SGCZ: variants seen among roughly 807,000 people sequenced by gnomAD.
SGCZ encodes zeta-sarcoglycan.
Under a neutral mutation model 41.3 loss-of-function variants are expected in SGCZ, and 40 were observed. The observed-to-expected ratio is 0.97, with a 90% confidence interval of 0.75 to 1.26. SGCZ has a LOEUF of 1.26. SGCZ is among the 50% of genes most tolerant of loss of function. The probability of loss-of-function intolerance (pLI) is 0.00; values close to 1 mark genes in which losing one functional copy is unlikely to be tolerated. For synonymous variants in SGCZ, 206 were observed against 137.5 expected, an observed-to-expected ratio of 1.50 and a Z score of -3.49; for missense variants, 552 against 369.8, an observed-to-expected ratio of 1.49 and a Z score of -4.04.
At chr8:15,092,396 TTAC>T (rs1255631098) in intron 1 of SGCZ, among the ~76,000 whole-genome samples, 2 of 152,220 alleles carry the variant, frequency 1.3e-5, no homozygotes, top group Non-Finnish European at 2.9e-5. Context: ...TGTGTATTTA[TTAC>T]TACTGCTATT....
Position 14,239,899 on chromosome 8 carries a change from CTCAAAAAAAA to C in SGCZ, c.337-2230_337-2221del, listed in dbSNP as rs1440180491. On this transcript the variant is annotated intron_variant, in intron 3 of 7. Transcript: ENST00000382080. ...CCTGGGCGACAGAGCGAGACTCCGT[CTCAAAAAAAA>C]AAAAAAAAAAAAAAAAAAAAAAAAA... 2.9e-4 allele frequency among the ~76,000 whole-genome samples: 24 copies of C among 83,450 alleles called. 3 individuals are homozygous for C. The highest frequency in any genetic ancestry group is 7.0e-4 in the East Asian group (2 of 2,844). 54.7% of individuals were successfully genotyped at this position (83,450 alleles called of 152,430 possible).
chr8:14,639,089 C>T (rs1422865983), intron 1 of SGCZ, among the ~76,000 whole-genome samples: 1 of 147,240 alleles, frequency 6.8e-6, no homozygotes, highest in African/African-American at 2.5e-5. Context: ...CTCTGTCACC[C>T]AGGCTGGAGT....
intron 1 of SGCZ, among the ~76,000 whole-genome samples, chr8:14,586,871 G>A (rs918696274): frequency 1.3e-5 from 2 of 151,764 alleles, no homozygotes; most frequent in Non-Finnish European, 2.9e-5. Context: ...TAATTAAAAC[G>A]AGGAAATTTT....
intron 2 of SGCZ, among the ~76,000 whole-genome samples, chr8:14,513,897 T>G (rs907866262): frequency 6.6e-6 from 1 of 152,090 alleles, no homozygotes; most frequent in African/African-American, 2.4e-5. Context: ...CAATGTGAAC[T>G]AAACAACATT....
At chr8:14,610,258 C>G (rs1407582916) in intron 1 of SGCZ, among the ~76,000 whole-genome samples, 1 of 152,136 alleles carries the variant, frequency 6.6e-6, no homozygotes, top group African/African-American at 2.4e-5. Flanking sequence ...GTAAGAAGGG[C>G]ATTTGAGTCT....
At chr8:14,852,458 T>C (rs899221464) in intron 1 of SGCZ, among the ~76,000 whole-genome samples, 2 of 152,210 alleles carry the variant, frequency 1.3e-5, no homozygotes, top group African/African-American at 2.4e-5. Flanking sequence ...GCTGTACTTA[T>C]TATATGTGAT....
intron 1 of SGCZ, among the ~76,000 whole-genome samples, chr8:15,209,352 A>T (rs1238938968): frequency 6.6e-6 from 1 of 151,860 alleles, no homozygotes; most frequent in African/African-American, 2.4e-5. Context: ...GAGTACTAAA[A>T]ATTAAGGCTT....
intron 2 of SGCZ, among the ~76,000 whole-genome samples, chr8:14,455,364 T>C (rs1207354240): frequency 6.6e-6 from 1 of 152,016 alleles, no homozygotes; most frequent in Non-Finnish European, 1.5e-5. Flanking sequence ...TAAACTGTCC[T>C]AGTTGGTGAG....
Position 14,241,432 on chromosome 8 carries a change from C to A in SGCZ, c.337-3753G>T, listed in dbSNP as rs192675241. ...TAATATTTATATATAGCATGATAAG[C>A]TAGTATAAATATATAAACAATATAT... On this transcript the variant is annotated intron_variant, in intron 3 of 7. Transcript: ENST00000382080. Among the ~76,000 whole-genome samples, 4 of 147,514 alleles carry A rather than the reference C, an allele frequency of 2.7e-5. No homozygotes were observed. The East Asian group carries it at 5.9e-4, about 22-fold the overall frequency.
chr8:14,948,747 T>A (rs148319481), intron 1 of SGCZ, among the ~76,000 whole-genome samples: 159 of 152,298 alleles, frequency 1.0e-3, no homozygotes, highest in African/African-American at 3.7e-3. Context: ...CTATCCTTCT[T>A]GAACTCTTTC....
intron 1 of SGCZ, among the ~76,000 whole-genome samples, chr8:14,865,463 A>ATT (rs1803896092): frequency 6.6e-6 from 1 of 152,050 alleles, no homozygotes; most frequent in Admixed American, 6.6e-5. Flanking sequence ...AACCCCTGTG[A>ATT]ATGAATCAAT....
chr8:14,292,039 A>C (rs551898225), intron 3 of SGCZ, among the ~76,000 whole-genome samples: 1 of 152,058 alleles, frequency 6.6e-6, no homozygotes, highest in African/African-American at 2.4e-5. Flanking sequence ...TGGGCAATGT[A>C]ATAGGTGGAA....
At chr8:14,687,492 A>C (rs1016679512) in intron 1 of SGCZ, among the ~76,000 whole-genome samples, 1 of 151,462 alleles carries the variant, frequency 6.6e-6, no homozygotes, top group Non-Finnish European at 1.5e-5. Context: ...ATGATTTCCA[A>C]TTTCATCCAT....
chr8:14,494,960 T>G (rs1801948452), intron 2 of SGCZ, among the ~76,000 whole-genome samples: 1 of 152,208 alleles, frequency 6.6e-6, no homozygotes, highest in Non-Finnish European at 1.5e-5. Context: ...TCCCATTGAA[T>G]TTAAAGGTAA....
intron 1 of SGCZ, among the ~76,000 whole-genome samples, chr8:15,236,892 C>G (rs1184218027): frequency 2.0e-5 from 3 of 152,124 alleles, no homozygotes; most frequent in Admixed American, 1.3e-4. Context: ...CCCCTACCAG[C>G]CCGGCTCCCG....
intron 1 of SGCZ, among the ~76,000 whole-genome samples, chr8:15,049,801 T>C (rs1427383797): frequency 1.3e-5 from 2 of 152,150 alleles, no homozygotes; most frequent in Non-Finnish European, 2.9e-5. Flanking sequence ...ACTGTTCTCC[T>C]GGTAGTGAAT....
intron 5 of SGCZ, among the ~76,000 whole-genome samples, chr8:14,119,488 A>G (rs1044455023): frequency 1.3e-5 from 2 of 152,142 alleles, no homozygotes; most frequent in Non-Finnish European, 1.5e-5. Context: ...TTCTAAATAT[A>G]CAATCATGAC....
intron 2 of SGCZ, among the ~76,000 whole-genome samples, chr8:14,472,675 T>C (rs990269846): frequency 6.6e-6 from 1 of 152,154 alleles, no homozygotes; most frequent in African/African-American, 2.4e-5. Context: ...GCAACATGTA[T>C]TGCCCTATTT....
chr8:14,571,120 A>T (rs993940032), intron 1 of SGCZ, among the ~76,000 whole-genome samples: 3 of 152,034 alleles, frequency 2.0e-5, no homozygotes, highest in African/African-American at 7.2e-5. Context: ...GGAAACTTAC[A>T]ATCTTGGTGG....
Sources: gnomAD v4.1 joint callset for allele counts (sites outside exome capture counted in the v4.1 genomes callset) on GRCh38, gnomAD v4.1.1 for gene constraint, MANE v1.5 for transcripts, NCBI Gene and HGNC (gene_info 2026-07-23, HGNC 2026-07-21) for gene names.